The following FAM168A variants were observed in gnomAD, a reference collection of about 807,000 sequenced individuals.
FAM168A encodes protein FAM168A.
FAM168A carries 3 observed loss-of-function variants against 28.5 expected under a neutral mutation model. The ratio of observed to expected loss-of-function variants is 0.11; its 90% confidence interval spans 0.05 to 0.27. FAM168A has a LOEUF of 0.27. Among genes scored for constraint, FAM168A ranks in the 10% least tolerant of loss-of-function variants. FAM168A has a pLI of 1.00. For synonymous variants in FAM168A, 122 were observed against 124.2 expected, an observed-to-expected ratio of 0.98 and a Z score of 0.12; for missense variants, 222 against 311.5, an observed-to-expected ratio of 0.71 and a Z score of 2.16.
At chr11:73,516,114 A>G (rs934732700) in intron 1 of FAM168A, among the ~76,000 whole-genome samples, 3 of 151,968 alleles carry the variant, frequency 2.0e-5, no homozygotes, top group East Asian at 1.9e-4. Flanking sequence ...AAAAAAAAAA[A>G]AAAGAATCAG....
intron 1 of FAM168A, among the ~76,000 whole-genome samples, chr11:73,538,043 A>G (rs1443672104): frequency 2.6e-5 from 4 of 152,162 alleles, no homozygotes; most frequent in Non-Finnish European, 5.9e-5. Flanking sequence ...GGGAAAGGTG[A>G]TATCTATAAC....
At chr11:73,481,581 C>T (rs573511790) in intron 1 of FAM168A, among the ~76,000 whole-genome samples, 52 of 152,266 alleles carry the variant, frequency 3.4e-4, no homozygotes, top group African/African-American at 1.3e-3. Context: ...CTCTCTTTAA[C>T]GGTTACTTAC....
chr11:73,537,334 G>A (rs890808766), intron 1 of FAM168A, among the ~76,000 whole-genome samples: 11 of 152,160 alleles, frequency 7.2e-5, no homozygotes, highest in African/African-American at 2.7e-4. Flanking sequence ...GCCGAGGCTG[G>A]CAGTTCGCTT....
chr11:73,508,711 T>C (rs1227889271), intron 1 of FAM168A, among the ~76,000 whole-genome samples: 1 of 152,060 alleles, frequency 6.6e-6, no homozygotes, highest in Admixed American at 6.6e-5. Flanking sequence ...TAGACCACAG[T>C]AGTTCTCTCA....
chr11:73,478,730 C>T lies in FAM168A; in HGVS notation c.-18-10238G>A, dbSNP rs141115178. On this transcript the variant is annotated intron_variant, in intron 1 of 7. Transcript: ENST00000356467. ...CTCATTTTATATAAACTGATACTTG[C>T]TGTGCCAGGCCATGCATAAAGTGTT... Among the ~76,000 whole-genome samples the T allele has an allele frequency of 2.6e-4, 40 of 152,234 alleles. No homozygotes were observed. The East Asian group carries it at 5.6e-3, about 21-fold the overall frequency.
intron 1 of FAM168A, among the ~76,000 whole-genome samples, chr11:73,590,465 C>T (rs577842363): frequency 1.3e-5 from 2 of 152,274 alleles, no homozygotes; most frequent in South Asian, 4.1e-4. Flanking sequence ...GAACACACTA[C>T]ACCTACATAC....
At chr11:73,583,005 CTA>C (rs1944266485) in intron 1 of FAM168A, among the ~76,000 whole-genome samples, 2 of 152,142 alleles carry the variant, frequency 1.3e-5, no homozygotes, top group African/African-American at 2.4e-5. Flanking sequence ...AGAAGACACT[CTA>C]TTAAAACTCA....
chr11:73,431,350 C>A (rs1409144748), intron 2 of FAM168A, among the ~76,000 whole-genome samples: 2 of 150,844 alleles, frequency 1.3e-5, no homozygotes, highest in South Asian at 2.1e-4. Flanking sequence ...CGCTGCCCCC[C>A]ACACCCCCCC....
chr11:73,455,284 G>A (rs1338215133), intron 2 of FAM168A, among the ~76,000 whole-genome samples: 4 of 152,300 alleles, frequency 2.6e-5, no homozygotes, highest in Admixed American at 6.5e-5. Flanking sequence ...TCCTGCCAGC[G>A]CCCAAAAGCA....
intron 1 of FAM168A, among the ~76,000 whole-genome samples, chr11:73,559,432 G>C (rs138428205): frequency 1.3e-5 from 2 of 151,522 alleles, no homozygotes; most frequent in East Asian, 3.9e-4. Context: ...CAGCCTGAGC[G>C]ACAAGAGTGA....
intron 1 of FAM168A, among the ~76,000 whole-genome samples, chr11:73,484,508 A>AGAGATATCTATATCTATATC (rs1211807465): frequency 1.6e-5 from 2 of 123,664 alleles, no homozygotes; most frequent in African/African-American, 8.1e-5. Context: ...GGAGAGAGAG[A>AGAGATATCTATATCTATATC]TATATATAGA....
At chr11:73,512,512 C>G (rs921191999) in intron 1 of FAM168A, among the ~76,000 whole-genome samples, 1 of 151,942 alleles carries the variant, frequency 6.6e-6, no homozygotes, top group African/African-American at 2.4e-5. Flanking sequence ...TGTGACTATA[C>G]TAGAAACCTC....
In FAM168A at chr11:73,407,540, T is replaced by C. The variant is rs765792564; in HGVS notation, c.699A>G (p.Pro233=). 5.0e-6 allele frequency: 8 copies of C among 1,589,904 alleles called. No individual in the cohort carries two copies. In the East Asian group the frequency reaches 1.2e-4, roughly 23 times the overall value. The change falls in exon 7 of 8, where the codon CCA becomes CCG. Residue 233 remains proline, a synonymous_variant. Coordinates refer to ENST00000356467, the MANE Select transcript of FAM168A (RefSeq NM_015159.3). ...GGATGGGCTGCAGGCTTTACCAGTG[T>C]GGGGGCACGTAGCTGTACGCAGGGG... ...QGTPAYSYVP[P]HW
At position 73,498,609 on chromosome 11, in the gene FAM168A, A is replaced by G. The variant is rs117101651; in HGVS notation, c.-18-30117T>C. Among the ~76,000 whole-genome samples the G allele has an allele frequency of 5.8e-3, 890 of 152,296 alleles. 7 individuals are homozygous for G. The highest frequency in any genetic ancestry group is 0.027 in the Middle Eastern group (8 of 294). On this transcript the variant is annotated intron_variant, in intron 1 of 7. Coordinates refer to ENST00000356467, the MANE Select transcript of FAM168A (RefSeq NM_015159.3). ...GCATTGGAACTCGCAACTGCCTGACATGCTAAGCTCCCTGGGCAGGGTAAG... is the reference window on the plus strand; with the variant it reads ...GCATTGGAACTCGCAACTGCCTGACGTGCTAAGCTCCCTGGGCAGGGTAAG...
At chr11:73,512,799 T>G (rs1042831299) in intron 1 of FAM168A, among the ~76,000 whole-genome samples, 1 of 152,054 alleles carries the variant, frequency 6.6e-6, no homozygotes, top group African/African-American at 2.4e-5. Context: ...GCTAGACAGA[T>G]AGAAACACAG....
In FAM168A at chr11:73,521,019, A is replaced by G. The variant is rs143236406; in HGVS notation, c.-18-52527T>C. On this transcript the variant is annotated intron_variant, in intron 1 of 7. Transcript: ENST00000356467. ...TTTGATCTAGAAAACTGTCTTTTAC[A>G]TTTGTTGAAACCAGTAGGTTCCAAG... 4.8e-3 allele frequency among the ~76,000 whole-genome samples: 728 copies of G among 152,290 alleles called. 5 individuals are homozygous for G. Among genetic ancestry groups the G allele is most frequent in the African/African-American group, 0.017 (692 of 41,542 alleles).
chr11:73,533,126 A>G (rs1943534688), intron 1 of FAM168A, among the ~76,000 whole-genome samples: 1 of 152,202 alleles, frequency 6.6e-6, no homozygotes, highest in Admixed American at 6.5e-5. Context: ...TATGTGATAG[A>G]GCAAGGCATT....
intron 1 of FAM168A, among the ~76,000 whole-genome samples, chr11:73,586,353 G>C (rs1336170424): frequency 6.6e-6 from 1 of 152,086 alleles, no homozygotes; most frequent in Non-Finnish European, 1.5e-5. Context: ...GGCTGAGGCA[G>C]GATGATCACT....
intron 1 of FAM168A, among the ~76,000 whole-genome samples, chr11:73,548,143 T>A (rs1485110433): frequency 2.6e-5 from 4 of 152,080 alleles, no homozygotes; most frequent in Admixed American, 1.3e-4. Flanking sequence ...AAGAAAAAAA[T>A]GTTGTAGAGA....
Sources: allele counts gnomAD v4.1 joint callset (sites outside exome capture counted in the v4.1 genomes callset), GRCh38; gene constraint gnomAD v4.1.1; transcripts MANE v1.5; gene names NCBI Gene and HGNC (gene_info 2026-07-23, HGNC 2026-07-21).